Variants in PPP2R3A observed in about 807,000 individuals in gnomAD.
PPP2R3A encodes protein phosphatase 2 regulatory subunit B''alpha.
PPP2R3A carries 80 observed loss-of-function variants against 106.9 expected under a neutral mutation model. The observed-to-expected ratio is 0.75, with a 90% CI of 0.62 to 0.90. The LOEUF is 0.90. Ranked by LOEUF, PPP2R3A falls within the 40% of genes least tolerant of loss-of-function variation. The pLI, the probability that PPP2R3A is intolerant of heterozygous loss-of-function variation, is 0.00. For missense variants in PPP2R3A, 1,386 were observed against 1,350.4 expected, an observed-to-expected ratio of 1.03 and a Z score of -0.41; for synonymous variants, 483 against 468.3, an observed-to-expected ratio of 1.03 and a Z score of -0.41.
intron 3 of PPP2R3A, 27 bp from the exon 4 acceptor site, chr3:136,040,832 T>C: frequency 6.3e-7 from 1 of 1,587,450 alleles, no homozygotes. Flanking sequence ...CCTGTTGGCT[T>C]ACCCTGTATG....
intron 13 of PPP2R3A, among the ~76,000 whole-genome samples, chr3:136,111,726 A>T (rs1291096450): frequency 6.6e-6 from 1 of 152,146 alleles, no homozygotes; most frequent in Non-Finnish European, 1.5e-5. Flanking sequence ...CAGATGTATA[A>T]AGAAGAGCTG....
At chr3:136,074,573 G>A (rs1013386988) in intron 6 of PPP2R3A, among the ~76,000 whole-genome samples, 10 of 152,206 alleles carry the variant, frequency 6.6e-5, no homozygotes, top group African/African-American at 2.4e-4. Context: ...CAACTTTTGA[G>A]GAAAGAAGTG....
At position 136,003,404 on chromosome 3, in the gene PPP2R3A, A is replaced by G. The variant is rs1216858681; in HGVS notation, c.1906A>G (p.Asn636Asp). 6.2e-7 allele frequency: 1 copy of G among 1,613,996 alleles called. No homozygotes were observed. The highest frequency in any genetic ancestry group is 8.5e-7 in the Non-Finnish European group (1 of 1,179,918). The change falls in exon 2 of 14, where the codon AAT becomes GAT. Residue 636 changes from asparagine (N) to aspartate (D), a missense_variant. Transcript: ENST00000264977. ...AACCTTGACAACTTCCTCCCAGGCC[A>G]ATTTATCAGTCTGTAGAAGTCCTGT... The part of the protein sequence containing the change: ...QETLTTSSQA[N>D]LSVCRSPVGD...
At chr3:136,041,039 T>A in intron 4 of PPP2R3A, 77 bp downstream of exon 4, 1 of 1,189,118 alleles carries the variant, frequency 8.4e-7, no homozygotes. Context: ...AAAGGTCACC[T>A]ATTTTACTCA....
chr3:136,136,093 T>TAA (rs1938615057), intron 13 of PPP2R3A, among the ~76,000 whole-genome samples: 5 of 118,598 alleles, frequency 4.2e-5, no homozygotes, highest in African/African-American at 1.8e-4. Flanking sequence ...TATATATATA[T>TAA]AAAAAACATC....
chr3:136,031,226 C>G (rs745530011), intron 3 of PPP2R3A, among the ~76,000 whole-genome samples: 22 of 152,050 alleles, frequency 1.4e-4, no homozygotes, highest in Non-Finnish European at 2.1e-4. Context: ...AAGGTGGTAT[C>G]GCATTGTGGT....
At position 136,029,900 on chromosome 3, in the gene PPP2R3A, A is replaced by G. The variant is rs1295851584; in HGVS notation, c.2262+2802A>G. On this transcript the variant is annotated intron_variant, in intron 3 of 13. Coordinates refer to ENST00000264977, the MANE Select transcript of PPP2R3A (RefSeq NM_002718.5). Reference sequence around the variant, plus strand: ...ACATACCTTTAAAAAGTTAAAACCAACACTGCATTTTTATAAAATGAGGAT... The same window carrying G: ...ACATACCTTTAAAAAGTTAAAACCAGCACTGCATTTTTATAAAATGAGGAT... Among the ~76,000 whole-genome samples, 3 of 152,282 alleles carry G rather than the reference A, an allele frequency of 2.0e-5. No individual in the cohort carries two copies. In the East Asian group the frequency reaches 5.8e-4, roughly 29 times the overall value.
chr3:136,028,286 C>T (rs889942157), intron 3 of PPP2R3A, among the ~76,000 whole-genome samples: 1 of 152,158 alleles, frequency 6.6e-6, no homozygotes, highest in Non-Finnish European at 1.5e-5. Flanking sequence ...TTTGTCATTG[C>T]TGTTAAATGA....
chr3:136,024,604 G>A (rs183000957), intron 2 of PPP2R3A, among the ~76,000 whole-genome samples: 6 of 152,254 alleles, frequency 3.9e-5, no homozygotes, highest in Admixed American at 3.9e-4. Flanking sequence ...AAAGCATAGA[G>A]TTAACATTGA....
chr3:136,096,208 C>A (rs1035820056), intron 10 of PPP2R3A, among the ~76,000 whole-genome samples: 2 of 152,126 alleles, frequency 1.3e-5, no homozygotes, highest in African/African-American at 4.8e-5. Flanking sequence ...CTAAGTCAAA[C>A]CATCATAAGT....
intron 1 of PPP2R3A, among the ~76,000 whole-genome samples, chr3:135,983,450 A>G (rs1383918222): frequency 6.6e-6 from 1 of 152,240 alleles, no homozygotes; most frequent in East Asian, 1.9e-4. Context: ...TAACAGTGTT[A>G]TAAATGCTTA....
chr3:136,018,468 C>T (rs1368401569), intron 2 of PPP2R3A, among the ~76,000 whole-genome samples: 4 of 152,158 alleles, frequency 2.6e-5, no homozygotes, highest in Admixed American at 6.5e-5. Flanking sequence ...TATTATAAAT[C>T]ACTATTGTCT....
chr3:136,072,515 C>T (rs983116986), intron 6 of PPP2R3A, among the ~76,000 whole-genome samples: 1 of 152,156 alleles, frequency 6.6e-6, no homozygotes, highest in Non-Finnish European at 1.5e-5. Context: ...TCACTTGAAC[C>T]CAGGAGGTGG....
At chr3:136,047,181 GA>G (rs759357037) in intron 4 of PPP2R3A, among the ~76,000 whole-genome samples, 3 of 152,198 alleles carry the variant, frequency 2.0e-5, no homozygotes, top group Admixed American at 1.3e-4. Context: ...ATAGTCCACG[GA>G]AATTTCCCCA....
chr3:136,002,722 TGAC>T lies in PPP2R3A; in HGVS notation c.1228_1230del (p.Asp410del). 1 of 1,613,160 alleles carries T rather than the reference TGAC, an allele frequency of 6.2e-7. No individual in the cohort carries two copies. The highest frequency in any genetic ancestry group is 8.5e-7 in the Non-Finnish European group (1 of 1,179,710). On this transcript the variant is annotated inframe_deletion, in exon 2 of 14. Coordinates refer to ENST00000264977, the MANE Select transcript of PPP2R3A (RefSeq NM_002718.5). The stretch of plus-strand genomic sequence containing the variant: ...TGAATCCTTTAGAAAATGTTTCTTC[TGAC>T]GACTTAATGGAAACTCTTTATATTG...
rs1478791313 is a variant in PPP2R3A, at chr3:136,147,098, G to C, written c.*1932G>C. On this transcript the variant is annotated 3_prime_UTR_variant, in exon 14 of 14. Coordinates refer to ENST00000264977, the MANE Select transcript of PPP2R3A (RefSeq NM_002718.5). ...GTCTCTTAATTATTGGCTGGGCATG[G>C]TGACTCATGCCTGTAATCCCGGCAC... 6.6e-6 allele frequency: 1 copy of C among 152,054 alleles called. No homozygotes were observed. The highest frequency in any genetic ancestry group is 1.5e-5 in the Non-Finnish European group (1 of 68,050). 9.4% of individuals were successfully genotyped at this position (152,054 alleles called of 1,614,324 possible).
intron 5 of PPP2R3A, among the ~76,000 whole-genome samples, chr3:136,053,375 A>C (rs969734467): frequency 1.2e-4 from 19 of 152,318 alleles, no homozygotes; most frequent in Admixed American, 3.9e-4. Flanking sequence ...AAAAAGAAAA[A>C]AAAATAAGTG....
intron 1 of PPP2R3A, among the ~76,000 whole-genome samples, chr3:135,967,255 T>A (rs1156674887): frequency 2.6e-5 from 4 of 152,094 alleles, no homozygotes; most frequent in Non-Finnish European, 1.5e-5. Flanking sequence ...GGGAAACAGA[T>A]CAAAAAGGTT....
chr3:136,006,804 C>A (rs1933860590), intron 2 of PPP2R3A, among the ~76,000 whole-genome samples: 1 of 152,214 alleles, frequency 6.6e-6, no homozygotes, highest in Non-Finnish European at 1.5e-5. Flanking sequence ...TCCATTATTT[C>A]TCTCAAACCT....
Sources: gnomAD v4.1 joint callset for allele counts (sites outside exome capture counted in the v4.1 genomes callset) on GRCh38, gnomAD v4.1.1 for gene constraint, MANE v1.5 for transcripts, NCBI Gene and HGNC (gene_info 2026-07-23, HGNC 2026-07-21) for gene names.